SYN3: variants seen among roughly 807,000 people sequenced by gnomAD.
SYN3 encodes synapsin-3.
A neutral mutation model predicts 65.8 loss-of-function variants in SYN3; 35 were observed. The observed-to-expected ratio is 0.53, with a 90% CI of 0.41 to 0.70. The LOEUF is 0.70. Among genes scored for constraint, SYN3 ranks in the 30% least tolerant of loss-of-function variants. The probability of loss-of-function intolerance (pLI) is 0.00; values close to 1 mark genes in which losing one functional copy is unlikely to be tolerated. For missense variants in SYN3, 680 were observed against 749.0 expected (o/e 0.91, Z 1.08); for synonymous variants, 270 against 292.9 (o/e 0.92, Z 0.80).
intron 6 of SYN3, among the ~76,000 whole-genome samples, chr22:32,640,477 A>G (rs1304729507): frequency 2.0e-5 from 3 of 152,232 alleles, no homozygotes; most frequent in Non-Finnish European, 4.4e-5. Flanking sequence ...TCAGAGAACT[A>G]GGGGTTCCAC....
chr22:32,510,706 CA>C lies in SYN3; in HGVS notation c.*2985del, dbSNP rs766313500. Among the ~76,000 whole-genome samples the C allele has an allele frequency of 6.6e-6, 1 of 152,166 alleles. No individual in the cohort carries two copies. Among genetic ancestry groups the C allele is most frequent in the Non-Finnish European group, 1.5e-5 (1 of 68,032 alleles). On this transcript the variant is annotated 3_prime_UTR_variant, in exon 14 of 14. Transcript: ENST00000358763. ...AGCTCTCTGTGCTTGAATCTTGTAA[CA>C]GGCTGCTCTTATAAGCAGTGCCCCA...
rs964023139 is a variant in SYN3 at position 32,965,551 on chromosome 22, T to C, written c.369+15094A>G. ...TGTAATTATGGTGCGTACGTGTGTG[T>C]GTGTGTGTGTGTGTGTGTGTGTGTG... On this transcript the variant is annotated intron_variant, in intron 3 of 13. Coordinates refer to ENST00000358763, the MANE Select transcript of SYN3 (RefSeq NM_003490.4). 1.4e-3 allele frequency among the ~76,000 whole-genome samples: 214 copies of C among 150,302 alleles called. 1 individual carries two copies. The highest frequency in any genetic ancestry group is 2.8e-3 in the East Asian group (14 of 5,022).
chr22:32,720,335 A>G (rs1200959126), intron 6 of SYN3, among the ~76,000 whole-genome samples: 1 of 152,212 alleles, frequency 6.6e-6, no homozygotes, highest in Non-Finnish European at 1.5e-5. Context: ...ACCCAGGGCT[A>G]GCAGTTTATG....
At chr22:32,900,424 G>A (rs1016852273) in intron 4 of SYN3, among the ~76,000 whole-genome samples, 37 of 152,140 alleles carry the variant, frequency 2.4e-4, no homozygotes, top group Non-Finnish European at 4.9e-4. Flanking sequence ...CATTGTAAAT[G>A]TTATGGTCAT....
chr22:32,925,638 C>T (rs185817023), intron 4 of SYN3, among the ~76,000 whole-genome samples: 1 of 152,272 alleles, frequency 6.6e-6, no homozygotes, highest in African/African-American at 2.4e-5. Context: ...AGCTTTTCAG[C>T]CCGTCCTGCC....
intron 9 of SYN3, among the ~76,000 whole-genome samples, chr22:32,537,459 G>A (rs910892430): frequency 9.2e-5 from 14 of 152,062 alleles, no homozygotes; most frequent in Non-Finnish European, 1.8e-4. Flanking sequence ...GCACCCGGCC[G>A]GCACTTCCTT....
In SYN3 at chr22:32,968,832, A is replaced by G. The variant is rs139214381; in HGVS notation, c.369+11813T>C. 4.0e-3 allele frequency among the ~76,000 whole-genome samples: 604 copies of G among 149,568 alleles called. 1 individual carries two copies. Among genetic ancestry groups the G allele is most frequent in the Non-Finnish European group, 6.0e-3 (396 of 66,548 alleles). On this transcript the variant is annotated intron_variant, in intron 3 of 13. Coordinates refer to ENST00000358763, the MANE Select transcript of SYN3 (RefSeq NM_003490.4). ...ATTTTGGCCACTGCCTTCAATGTCT[A>G]TCTTCCCACCAGATAAAGAACCCTT...
chr22:32,718,650 C>CAA (rs72336175), intron 6 of SYN3, among the ~76,000 whole-genome samples: 6,284 of 135,622 alleles, frequency 0.046, 160 homozygotes, highest in South Asian at 0.072. Flanking sequence ...TGAAACTGAC[C>CAA]AAAAAAAAAA....
At chr22:32,847,905 C>A (rs1043497343) in intron 6 of SYN3, among the ~76,000 whole-genome samples, 9 of 152,232 alleles carry the variant, frequency 5.9e-5, no homozygotes, top group African/African-American at 1.9e-4. Flanking sequence ...GTATCCAGCA[C>A]CCTCATCACA....
intron 6 of SYN3, among the ~76,000 whole-genome samples, chr22:32,713,176 C>G (rs2060988341): frequency 6.6e-6 from 1 of 152,208 alleles, no homozygotes; most frequent in Non-Finnish European, 1.5e-5. Context: ...TAGGCCACCT[C>G]TAACATTTAA....
At chr22:32,603,995 A>C (rs1049470064) in intron 6 of SYN3, among the ~76,000 whole-genome samples, 1 of 152,246 alleles carries the variant, frequency 6.6e-6, no homozygotes, top group Non-Finnish European at 1.5e-5. Context: ...GGGGTAGCCC[A>C]GTGCCTATGC....
intron 3 of SYN3, among the ~76,000 whole-genome samples, chr22:32,937,659 C>T (rs1487055608): frequency 5.9e-5 from 9 of 152,116 alleles, no homozygotes; most frequent in Non-Finnish European, 1.5e-5. Context: ...TTAGAAACCA[C>T]CCCCATGATC....
intron 6 of SYN3, among the ~76,000 whole-genome samples, chr22:32,834,975 C>T (rs964845785): frequency 2.6e-5 from 4 of 152,236 alleles, no homozygotes; most frequent in African/African-American, 9.6e-5. Flanking sequence ...AGGGTCTTTG[C>T]AGTCCTCAGC....
At chr22:33,047,971 A>C (rs759575170) in intron 1 of SYN3, among the ~76,000 whole-genome samples, 31 of 152,022 alleles carry the variant, frequency 2.0e-4, no homozygotes, top group Admixed American at 1.4e-3. Flanking sequence ...GTTGCCTTCA[A>C]CTCCATTCTT....
intron 6 of SYN3, among the ~76,000 whole-genome samples, chr22:32,657,799 T>C (rs1482885973): frequency 6.6e-6 from 1 of 152,138 alleles, no homozygotes; most frequent in Non-Finnish European, 1.5e-5. Flanking sequence ...ACAACCAAAG[T>C]GCAGACCTAC....
At chr22:32,833,769 A>T in intron 6 of SYN3, 1 of 497,406 alleles carries the variant, frequency 2.0e-6, no homozygotes, top group Non-Finnish European at 4.0e-6. Flanking sequence ...TTTCTAAAAG[A>T]TGGGCTAATG....
At position 33,006,594 on chromosome 22, in the gene SYN3, C is replaced by T. The variant is rs145414397; in HGVS notation, c.69G>A (p.Thr23=). ...TGGAGCTATCTGGGCGTTGCAGGTC[C>T]GTCATATAGCCATTAGGCAGGTTGG... The part of the protein sequence containing the change: ...FMANLPNGYM[T]DLQRPDSSTS... The change falls in exon 2 of 14, where the codon ACG becomes ACA. Residue 23 remains threonine, a synonymous_variant. Coordinates refer to ENST00000358763, the MANE Select transcript of SYN3 (RefSeq NM_003490.4). 737 of 1,612,674 alleles carry T rather than the reference C, an allele frequency of 4.6e-4. 1 individual carries two copies. In the East Asian group the frequency reaches 5.9e-3, roughly 13 times the overall value.
At chr22:33,011,017 T>C (rs560615961) in intron 1 of SYN3, among the ~76,000 whole-genome samples, 2 of 152,336 alleles carry the variant, frequency 1.3e-5, no homozygotes, top group South Asian at 4.1e-4. Context: ...TTAAATAATG[T>C]CATCTATAAA....
intron 4 of SYN3, among the ~76,000 whole-genome samples, chr22:32,880,879 C>G (rs2049114653): frequency 6.6e-6 from 1 of 152,244 alleles, no homozygotes; most frequent in African/African-American, 2.4e-5. Context: ...TCCCCAGCAC[C>G]CAGCATGGCA....
Sources: gnomAD v4.1 joint callset for allele counts (sites outside exome capture counted in the v4.1 genomes callset) on GRCh38, gnomAD v4.1.1 for gene constraint, MANE v1.5 for transcripts, NCBI Gene and HGNC (gene_info 2026-07-23, HGNC 2026-07-21) for gene names.